KCNQ1: variants seen among roughly 807,000 people sequenced by gnomAD.
KCNQ1 encodes potassium voltage-gated channel subfamily Q member 1, also known as potassium voltage-gated channel subfamily KQT member 1.
In KCNQ1, 49 loss-of-function variants were observed where a neutral mutation model predicts 72.4. The ratio of observed to expected loss-of-function variants is 0.68; its 90% CI spans 0.54 to 0.86. The LOEUF (loss-of-function observed/expected upper bound fraction) is 0.86. Ranked by LOEUF, KCNQ1 falls within the 40% of genes least tolerant of loss-of-function variation. The probability of loss-of-function intolerance (pLI) is 0.00; values close to 1 mark genes in which losing one functional copy is unlikely to be tolerated. For missense variants in KCNQ1, 790 were observed against 945.1 expected (o/e 0.84, Z 2.15); for synonymous variants, 450 against 412.6 (o/e 1.09, Z -1.10).
At chr11:2,531,016 G>A (rs991698476) in intron 2 of KCNQ1, among the ~76,000 whole-genome samples, 5 of 152,140 alleles carry the variant, frequency 3.3e-5, no homozygotes, top group African/African-American at 1.2e-4. Flanking sequence ...GCTAACGTGA[G>A]CCCACCCAGG....
rs187632288 is a variant in KCNQ1 at position 2,634,291 on chromosome 11, G to A, written c.1394-27670G>A. Reference sequence around the variant, plus strand: ...CTGATTACCTTGTCATTTACCTTAGGTATATCTCCTAATGCTTTCCCTCCC... The same window carrying A: ...CTGATTACCTTGTCATTTACCTTAGATATATCTCCTAATGCTTTCCCTCCC... On this transcript the variant is annotated intron_variant, in intron 10 of 15. Coordinates refer to ENST00000155840, the MANE Select transcript of KCNQ1 (RefSeq NM_000218.3). 531 of 332,370 alleles carry A rather than the reference G, an allele frequency of 1.6e-3. 6 individuals carry two copies. The highest frequency in any genetic ancestry group is 9.2e-3 in the African/African-American group (427 of 46,560). The allele number at this position is 332,370 out of a possible 1,614,324, so 20.6% of individuals were successfully genotyped here. A position where few individuals can be genotyped will look rare whatever the true frequency, so the allele number is the denominator to read the frequency against.
At position 2,642,114 on chromosome 11, in the gene KCNQ1, G is replaced by T. The variant is rs1849589542; in HGVS notation, c.1394-19847G>T. The T allele has an allele frequency of 7.5e-6, 3 of 398,070 alleles. No individual in the cohort carries two copies. The highest frequency in any genetic ancestry group is 2.1e-5 in the African/African-American group (1 of 48,564). The allele number at this position is 398,070 out of a possible 1,614,324, so 24.7% of individuals were successfully genotyped here. A position where few individuals can be genotyped will look rare whatever the true frequency, so the allele number is the denominator to read the frequency against. On this transcript the variant is annotated intron_variant, in intron 10 of 15. Coordinates refer to ENST00000155840, the MANE Select transcript of KCNQ1 (RefSeq NM_000218.3). The surrounding 1 kb of genome is among the most constrained non-coding windows in gnomAD (Gnocchi z 4.3). ...GCTGTGGCTATTCCAGCTCTTTTTT[G>T]GTTCCATCTGAATTTTAGGATTTTT...
intron 2 of KCNQ1, among the ~76,000 whole-genome samples, chr11:2,548,558 C>T (rs753681508): frequency 6.6e-6 from 1 of 152,190 alleles, no homozygotes; most frequent in Non-Finnish European, 1.5e-5. Flanking sequence ...GACACGTTTA[C>T]GTGTCTGCAA....
chr11:2,620,157 T>C lies in KCNQ1; in HGVS notation c.1393+31303T>C, dbSNP rs1849142008. On this transcript the variant is annotated intron_variant, in intron 10 of 15. Transcript: ENST00000155840. The surrounding 1 kb of genome is among the most constrained non-coding windows in gnomAD (Gnocchi z 4.5). The stretch of plus-strand genomic sequence containing the variant: ...TTAATTTGCTTAAGATAGTGGCCTC[T>C]AGCTGCATCCATGTTGCTGCAAAGG... The C allele has an allele frequency of 2.5e-6, 1 of 395,934 alleles. No homozygotes were observed. The allele number at this position is 395,934 out of a possible 1,614,324, so 24.5% of individuals were successfully genotyped here. A position where few individuals can be genotyped will look rare whatever the true frequency, so the allele number is the denominator to read the frequency against.
Position 2,645,070 on chromosome 11 carries a change from C to T in KCNQ1, c.1394-16891C>T. ...AGGTGCCAATGATGACAGAGCTGGG[C>T]CACAGGGTGGGTAGGTCCTTGAGCT... On this transcript the variant is annotated intron_variant, in intron 10 of 15. Coordinates refer to ENST00000155840, the MANE Select transcript of KCNQ1 (RefSeq NM_000218.3). The surrounding 1 kb of genome is among the most constrained non-coding windows in gnomAD (Gnocchi z 5.8). 1 of 398,610 alleles carries T rather than the reference C, an allele frequency of 2.5e-6. No individual in the cohort carries two copies. Among genetic ancestry groups the T allele is most frequent in the Non-Finnish European group, 4.4e-6 (1 of 226,158 alleles). The allele number at this position is 398,610 out of a possible 1,614,324, so 24.7% of individuals were successfully genotyped here. A position where few individuals can be genotyped will look rare whatever the true frequency, so the allele number is the denominator to read the frequency against.
rs145945154 is a variant in KCNQ1, at chr11:2,754,167, A to T, written c.1515-14677A>T. ...TGACTAAAACAAAAAAGACAATAAC[A>T]AGTGTTGGCAAGGATGTGGACTGCC... On this transcript the variant is annotated intron_variant, in intron 11 of 15. Transcript: ENST00000155840. 2.9e-4 allele frequency among the ~76,000 whole-genome samples: 44 copies of T among 152,316 alleles called. 1 individual carries two copies. The East Asian group carries it at 7.7e-3, about 27-fold the overall frequency.
At chr11:2,594,686 A>G (rs1011182813) in intron 10 of KCNQ1, among the ~76,000 whole-genome samples, 1 of 152,076 alleles carries the variant, frequency 6.6e-6, no homozygotes, top group African/African-American at 2.4e-5. Flanking sequence ...TGAGACTTTC[A>G]GTTATATATT....
At chr11:2,557,576 A>C (rs368163847) in intron 2 of KCNQ1, among the ~76,000 whole-genome samples, 1 of 152,250 alleles carries the variant, frequency 6.6e-6, no homozygotes, top group African/African-American at 2.4e-5. Flanking sequence ...GGCAGGGCTC[A>C]GTGGGACGGC....
chr11:2,644,260 T>G, intron 10 of KCNQ1: 2 of 398,532 alleles, frequency 5.0e-6, no homozygotes, highest in Non-Finnish European at 4.4e-6. Context: ...TCACATAGCC[T>G]TTGTTCATTC....
Position 2,681,518 on chromosome 11 carries a change from A to T in KCNQ1, c.1514+19437A>T. On this transcript the variant is annotated intron_variant, in intron 11 of 15. Transcript: ENST00000155840. ...TAGTAAAGTCAAACTGGTCCAGGTT[A>T]AGCCAGCCCATGATGCCTGGAAGGA... The T allele has an allele frequency of 7.5e-6, 3 of 398,458 alleles. No individual in the cohort carries two copies. The East Asian group carries it at 1.1e-4, about 14-fold the overall frequency. 24.7% of individuals were successfully genotyped at this position (398,458 alleles called of 1,614,324 possible).
rs900770660 is a variant in KCNQ1, at chr11:2,464,915, G to A, written c.386+19431G>A. On this transcript the variant is annotated intron_variant, in intron 1 of 15. Coordinates refer to ENST00000155840, the MANE Select transcript of KCNQ1 (RefSeq NM_000218.3). This position sits in a 1 kb window ranked among gnomAD's most constrained non-coding sequence, Gnocchi z 5.0. Reference sequence around the variant, plus strand: ...TCCTCCTGCCCGAGGAAGTAAGACAGCAATCTCTGGGGTCCTGGGCACCAA... The same window carrying A: ...TCCTCCTGCCCGAGGAAGTAAGACAACAATCTCTGGGGTCCTGGGCACCAA... 3.3e-5 allele frequency among the ~76,000 whole-genome samples: 5 copies of A among 152,282 alleles called. No individual in the cohort carries two copies. The highest frequency in any genetic ancestry group is 3.4e-3 in the Middle Eastern group (1 of 294).
At chr11:2,569,517 C>T (rs959621385) in intron 2 of KCNQ1, among the ~76,000 whole-genome samples, 4 of 152,188 alleles carry the variant, frequency 2.6e-5, no homozygotes, top group Non-Finnish European at 4.4e-5. Context: ...CTCCAGGGCC[C>T]GGCTTCTGAG....
rs77041520 is a variant in KCNQ1, at chr11:2,686,968, G to C, written c.1514+24887G>C. On this transcript the variant is annotated intron_variant, in intron 11 of 15. Transcript: ENST00000155840. ...ATGCCCAGCTTACCATCCTGATGCA[G>C]AGGCAAGGACAACACTGGGCCCTGA... 5.3e-5 allele frequency: 21 copies of C among 398,560 alleles called. No homozygotes were observed. In the East Asian group the frequency reaches 7.1e-4, roughly 14 times the overall value. The allele number at this position is 398,560 out of a possible 1,614,324, so 24.7% of individuals were successfully genotyped here.
chr11:2,445,316 C>G lies in KCNQ1; in HGVS notation c.218C>G (p.Pro73Arg), dbSNP rs2133559903. 6.6e-7 allele frequency: 1 copy of G among 1,523,670 alleles called. No individual in the cohort carries two copies. Among genetic ancestry groups the G allele is most frequent in the African/African-American group, 1.4e-5 (1 of 70,744 alleles). The allele number at this position is 1,523,670 out of a possible 1,614,324, so 94.4% of individuals were successfully genotyped here. The part of the protein sequence containing the change: ...PPASPAAPAA[P>R]PVASDLGPRP... Reference sequence around the variant, plus strand: ...GCGTCCCCGGCCGCGCCCGCCGCGCCCCCAGTTGCCTCCGACCTTGGCCCG... The same window carrying G: ...GCGTCCCCGGCCGCGCCCGCCGCGCGCCCAGTTGCCTCCGACCTTGGCCCG... The change falls in exon 1 of 16, where the codon CCC (proline) becomes CGC (arginine). Residue 73 changes from proline (P) to arginine (R), a missense_variant. Physicochemically the swap from Pro to Arg is moderately radical, Grantham distance 103. Transcript: ENST00000155840.
intron 10 of KCNQ1, chr11:2,660,486 A>G (rs1347779174): frequency 2.5e-6 from 1 of 398,530 alleles, no homozygotes; most frequent in Non-Finnish European, 4.4e-6. Flanking sequence ...TGGGGAAGCT[A>G]TCTATGCCTC....
chr11:2,541,089 A>G lies in KCNQ1; in HGVS notation c.477+13071A>G, dbSNP rs1564811012. Among the ~76,000 whole-genome samples, 4 of 152,236 alleles carry G rather than the reference A, an allele frequency of 2.6e-5. No individual in the cohort carries two copies. The highest frequency in any genetic ancestry group is 9.6e-5 in the African/African-American group (4 of 41,468). ...CGTTCAGGCTCAGACACGTGCCTGC[A>G]TGCACACGTGCACACGTGCACACCC... On this transcript the variant is annotated intron_variant, in intron 2 of 15. Transcript: ENST00000155840. This position sits in a 1 kb window ranked among gnomAD's most constrained non-coding sequence, Gnocchi z 4.8.
At chr11:2,581,161 C>T (rs1465213669) in intron 6 of KCNQ1, among the ~76,000 whole-genome samples, 1 of 152,226 alleles carries the variant, frequency 6.6e-6, no homozygotes, top group African/African-American at 2.4e-5. Flanking sequence ...CCAGGATAGG[C>T]CAGGGTCCCT....
Position 2,669,893 on chromosome 11 carries a change from G to A in KCNQ1, c.1514+7812G>A. The A allele has an allele frequency of 5.0e-6, 2 of 398,622 alleles. No homozygotes were observed. The highest frequency in any genetic ancestry group is 8.8e-6 in the Non-Finnish European group (2 of 226,072). 24.7% of individuals were successfully genotyped at this position (398,622 alleles called of 1,614,324 possible). A position where few individuals can be genotyped will look rare whatever the true frequency, so the allele number is the denominator to read the frequency against. On this transcript the variant is annotated intron_variant, in intron 11 of 15. Coordinates refer to ENST00000155840, the MANE Select transcript of KCNQ1 (RefSeq NM_000218.3). The surrounding 1 kb of genome is among the most constrained non-coding windows in gnomAD (Gnocchi z 5.6). ...TGTCAGCTGCTGTCCTTAATAAGATGTGCCTAGAGGCCTGAGAGTCCCAAG... is the reference window on the plus strand; with the variant it reads ...TGTCAGCTGCTGTCCTTAATAAGATATGCCTAGAGGCCTGAGAGTCCCAAG...
intron 15 of KCNQ1, among the ~76,000 whole-genome samples, chr11:2,825,727 C>A (rs1216235938): frequency 6.6e-6 from 1 of 152,212 alleles, no homozygotes; most frequent in Non-Finnish European, 1.5e-5. Flanking sequence ...GGGCAGCTCT[C>A]CCAAAGCAGT....
Sources: gnomAD v4.1 joint callset for allele counts (sites outside exome capture counted in the v4.1 genomes callset) on GRCh38, gnomAD v4.1.1 for gene constraint, Gnocchi (gnomAD v3.1) non-coding constraint, MANE v1.5 for transcripts, NCBI Gene and HGNC (gene_info 2026-07-23, HGNC 2026-07-21) for gene names.